The following NAXD variants were observed in gnomAD, a reference collection of about 807,000 sequenced individuals.
NAXD encodes the protein ATP-dependent (S)-NAD(P)H-hydrate dehydratase.
Under a neutral mutation model 35.8 loss-of-function variants are expected in NAXD, and 22 were observed. The observed-to-expected ratio is 0.62, with a 90% CI of 0.44 to 0.88. The LOEUF (loss-of-function observed/expected upper bound fraction) is 0.88. Among genes scored for constraint, NAXD ranks in the 40% least tolerant of loss-of-function variants. The pLI, the probability that NAXD is intolerant of heterozygous loss-of-function variation, is 0.00. For missense variants in NAXD, 428 were observed against 437.7 expected, an observed-to-expected ratio of 0.98 and a Z score of 0.20; for synonymous variants, 189 against 177.6, an observed-to-expected ratio of 1.06 and a Z score of -0.51.
intron 1 of NAXD, among the ~76,000 whole-genome samples, chr13:110,618,475 T>C (rs955006686): frequency 6.6e-6 from 1 of 152,206 alleles, no homozygotes; most frequent in Non-Finnish European, 1.5e-5. Context: ...GATAAAGGAA[T>C]AGCTCAGAAC....
chr13:110,626,336 C>T (rs1886482826), intron 4 of NAXD, among the ~76,000 whole-genome samples: 1 of 152,106 alleles, frequency 6.6e-6, no homozygotes. Context: ...GCACAGACTC[C>T]ACCAAGGGTT....
intron 1 of NAXD, among the ~76,000 whole-genome samples, chr13:110,620,169 G>A (rs1020778800): frequency 2.6e-5 from 4 of 152,102 alleles, no homozygotes; most frequent in Non-Finnish European, 5.9e-5. Context: ...GGGATTTCAA[G>A]GATGGGTGCA....
rs753272850 is a variant in NAXD at position 110,638,385 on chromosome 13, C to A, written c.847C>A (p.Pro283Thr). 1.9e-6 allele frequency: 3 copies of A among 1,613,844 alleles called. No individual in the cohort carries two copies. The South Asian group carries it at 3.3e-5, about 18-fold the overall frequency. ...CTGTCCCCCTCTCCGCAGGTCCAGCCCTCTCCTGGTGGCCGCGTTTGGCGC... is the reference window on the plus strand; with the variant it reads ...CTGTCCCCCTCTCCGCAGGTCCAGCACTCTCCTGGTGGCCGCGTTTGGCGC... ...AGPQKTNGSS[P>T]LLVAAFGACS... is the part of the protein sequence containing the mutation. The change falls in exon 10 of 10, where the codon CCT becomes ACT. Residue 283 changes from proline to threonine, a missense_variant. Physicochemically the swap from Pro to Thr is conservative, Grantham distance 38. Around this residue, in one of 3 missense-constraint regions of NAXD, gnomAD observed 209 missense variants for 214.6 expected, o/e 0.97. Transcript: ENST00000680254. This position sits in a 1 kb window ranked among gnomAD's most constrained non-coding sequence, Gnocchi z 5.4.
intron 4 of NAXD, among the ~76,000 whole-genome samples, chr13:110,625,751 TGCC>T (rs1886450714): frequency 6.6e-6 from 1 of 152,250 alleles, no homozygotes; most frequent in African/African-American, 2.4e-5. Flanking sequence ...GTGTTCTCTC[TGCC>T]GTCCAGGATT....
At chr13:110,621,516 T>G (rs182687565) in intron 1 of NAXD, among the ~76,000 whole-genome samples, 13 of 151,814 alleles carry the variant, frequency 8.6e-5, no homozygotes, top group African/African-American at 3.1e-4. Flanking sequence ...GCCAACATGG[T>G]GAAACCCTGT....
upstream of NAXD, chr13:110,615,514 G>A: frequency 8.0e-7 from 1 of 1,247,506 alleles, no homozygotes. Flanking sequence ...ACAGCCGCGC[G>A]GAGGCGGTCG....
In NAXD at chr13:110,638,901, C is replaced by T. The variant is rs888821295; in HGVS notation, c.*373C>T. 33 of 353,630 alleles carry T rather than the reference C, an allele frequency of 9.3e-5. No individual in the cohort carries two copies. Among genetic ancestry groups the T allele is most frequent in the Admixed American group, 1.7e-4 (4 of 24,198 alleles). The allele number at this position is 353,630 out of a possible 1,614,324, so 21.9% of individuals were successfully genotyped here. A position where few individuals can be genotyped will look rare whatever the true frequency, so the allele number is the denominator to read the frequency against. On this transcript the variant is annotated 3_prime_UTR_variant, in exon 10 of 10. Transcript: ENST00000680254. This position sits in a 1 kb window ranked among gnomAD's most constrained non-coding sequence, Gnocchi z 5.4. ...TTCTACTTGTTACTCTCTCTGCCGG[C>T]GCCCTTCGTTCCTCCTCTGCTTCCC...
At chr13:110,618,509 C>T (rs926956835) in intron 1 of NAXD, among the ~76,000 whole-genome samples, 1 of 152,182 alleles carries the variant, frequency 6.6e-6, no homozygotes, top group Non-Finnish European at 1.5e-5. Context: ...TGTTTTCTTC[C>T]TAGCTATGAT....
chr13:110,615,693 GC>G (rs1247365922), intron 1 of NAXD, 46 bp downstream of exon 1: 2 of 1,522,136 alleles, frequency 1.3e-6, no homozygotes, highest in Admixed American at 2.0e-5. Flanking sequence ...ACGCGCGGGG[GC>G]CGGAACTGCC....
At chr13:110,615,969 G>A (rs1237527185) in intron 1 of NAXD, 1 of 435,158 alleles carries the variant, frequency 2.3e-6, no homozygotes, top group Non-Finnish European at 3.9e-6. Context: ...CAGAGGGGCA[G>A]AGGGTGGCGC....
chr13:110,631,889 A>G (rs915993506), intron 5 of NAXD, among the ~76,000 whole-genome samples: 1 of 152,250 alleles, frequency 6.6e-6, no homozygotes, highest in African/African-American at 2.4e-5. Flanking sequence ...TGCGTCATAA[A>G]CAGGCTGAAA....
intron 5 of NAXD, 125 bp from the exon 6 acceptor site, chr13:110,634,420 T>C: frequency 1.0e-6 from 1 of 958,110 alleles, no homozygotes; most frequent in Non-Finnish European, 1.7e-6. Context: ...CCACATCACC[T>C]TTTAAAGGCC....
At chr13:110,615,940 G>GA (rs544527382) in intron 1 of NAXD, 132 of 489,470 alleles carry the variant, frequency 2.7e-4, no homozygotes, top group African/African-American at 2.5e-3. Flanking sequence ...TGGGTGATGG[G>GA]AGCCTCCGTG....
In NAXD at chr13:110,638,428, A is replaced by G. The variant is rs1277393279; in HGVS notation, c.890A>G (p.Gln297Arg). The change falls in exon 10 of 10, where the codon CAG (glutamine) becomes CGG (arginine). Residue 297 changes from glutamine (Q) to arginine (R), a missense_variant. Coordinates refer to ENST00000680254, the MANE Select transcript of NAXD (RefSeq NM_001242882.2). The surrounding 1 kb of genome is among the most constrained non-coding windows in gnomAD (Gnocchi z 5.4). ...TTTGGCGCCTGCTCTCTCACCAGGC[A>G]GTGCAACCACCAAGCCTTCCAGAAG... ...AAFGACSLTRQCNHQAFQKHG... is the reference protein window; with the variant it reads ...AAFGACSLTRRCNHQAFQKHG... The G allele has an allele frequency of 3.1e-6, 5 of 1,613,488 alleles. No homozygotes were observed. Among genetic ancestry groups the G allele is most frequent in the Middle Eastern group, 1.6e-4 (1 of 6,084 alleles).
Position 110,634,575 on chromosome 13 carries a change from A to G in NAXD, c.472A>G (p.Ile158Val). 6 of 1,614,210 alleles carry G rather than the reference A, an allele frequency of 3.7e-6. No individual in the cohort carries two copies. The highest frequency in any genetic ancestry group is 5.1e-6 in the Non-Finnish European group (6 of 1,180,022). The change falls in exon 6 of 10, where the codon ATC (isoleucine) becomes GTC (valine). Residue 158 changes from isoleucine to valine, a missense_variant. Coordinates refer to ENST00000680254, the MANE Select transcript of NAXD (RefSeq NM_001242882.2). ...GILEVSKARD[I>V]PVVIDADGLW... ...TTTGGAAGTGTCAAAGGCCAGGGAC[A>G]TCCCTGTTGTCATCGACGCGGTGAG...
intron 1 of NAXD, chr13:110,616,221 A>C (rs1354730695): frequency 5.9e-6 from 1 of 170,520 alleles, no homozygotes; most frequent in East Asian, 1.6e-4. Flanking sequence ...GCGGGCGTGC[A>C]GGCGAGCTGG....
chr13:110,637,071 C>G (rs565496908), intron 8 of NAXD, 58 bp from the exon 9 acceptor site: 16 of 1,547,156 alleles, frequency 1.0e-5, no homozygotes, highest in Non-Finnish European at 1.3e-5. Context: ...CCCGTGGCTA[C>G]TGTCACATTC....
intron 6 of NAXD, 37 bp downstream of exon 6, chr13:110,634,632 G>T (rs767747577): frequency 6.2e-7 from 1 of 1,614,106 alleles, no homozygotes; most frequent in Middle Eastern, 1.6e-4. Context: ...CGGACTCCCG[G>T]AAGGCCTGTG....
chr13:110,621,889 G>A (rs942686122), intron 1 of NAXD, among the ~76,000 whole-genome samples: 22 of 152,006 alleles, frequency 1.4e-4, no homozygotes, highest in African/African-American at 5.3e-4. Flanking sequence ...AATTAGCCAG[G>A]TGTGGTAGTA....
Sources: gnomAD v4.1 joint callset for allele counts (sites outside exome capture counted in the v4.1 genomes callset) on GRCh38, gnomAD v4.1.1 for gene constraint, gnomAD v4.1.1 regional missense constraint, Gnocchi (gnomAD v3.1) non-coding constraint, MANE v1.5 for transcripts, NCBI Gene and HGNC (gene_info 2026-07-23, HGNC 2026-07-21) for gene names.